SLIT2: variants seen among roughly 807,000 people sequenced by gnomAD.
The protein encoded by SLIT2 is slit guidance ligand 2, also known as slit homolog 2 protein.
In SLIT2, 41 loss-of-function variants were observed where a neutral mutation model predicts 185.7. The observed-to-expected ratio is 0.22, with a 90% CI of 0.17 to 0.29. The LOEUF (loss-of-function observed/expected upper bound fraction) is 0.29. Ranked by LOEUF, SLIT2 falls within the 10% of genes least tolerant of loss-of-function variation. The pLI is 1.00. For missense variants in SLIT2, 1,571 were observed against 1,909.0 expected, an observed-to-expected ratio of 0.82 and a Z score of 3.30; for synonymous variants, 693 against 680.2, an observed-to-expected ratio of 1.02 and a Z score of -0.29.
chr4:20,347,598 C>T (rs1265258924), intron 4 of SLIT2, among the ~76,000 whole-genome samples: 1 of 152,158 alleles, frequency 6.6e-6, no homozygotes, highest in Non-Finnish European at 1.5e-5. Flanking sequence ...GTCAGGAATC[C>T]TTAAGAGTTT....
At chr4:20,584,954 C>CT (rs1212605760) in intron 29 of SLIT2, among the ~76,000 whole-genome samples, 1 of 152,024 alleles carries the variant, frequency 6.6e-6, no homozygotes, top group Non-Finnish European at 1.5e-5. Flanking sequence ...ACTCAGGAGG[C>CT]TGAGGCAGGA....
chr4:20,324,855 C>T (rs770538467), intron 4 of SLIT2, among the ~76,000 whole-genome samples: 2 of 152,066 alleles, frequency 1.3e-5, no homozygotes, highest in Non-Finnish European at 2.9e-5. Flanking sequence ...TCCAAATTCC[C>T]CAAATGTGCA....
chr4:20,525,523 AG>A (rs1284699299), intron 15 of SLIT2, among the ~76,000 whole-genome samples: 1 of 152,146 alleles, frequency 6.6e-6, no homozygotes, highest in Middle Eastern at 3.2e-3. Flanking sequence ...TTTAAAATAT[AG>A]CTAATTGAGC....
At chr4:20,317,414 T>C (rs1169181665) in intron 4 of SLIT2, among the ~76,000 whole-genome samples, 1 of 152,000 alleles carries the variant, frequency 6.6e-6, no homozygotes. Flanking sequence ...GCATAGCAAA[T>C]TCCACAGGCA....
chr4:20,617,189 T>G lies in SLIT2; in HGVS notation c.4127T>G (p.Leu1376Arg). 6.3e-7 allele frequency: 1 copy of G among 1,576,796 alleles called. No individual in the cohort carries two copies. Among genetic ancestry groups the G allele is most frequent in the African/African-American group, 1.4e-5 (1 of 74,054 alleles). ...LCDQRTNDPCLGNKCVHGTCL... is the reference protein window; with the variant it reads ...LCDQRTNDPCRGNKCVHGTCL... ...GACCAACGGACCAATGACCCTTGCC[T>G]TGGAAATAAGTAAGTTCCTGCTGCT... The change falls in exon 35 of 37, where the codon CTT becomes CGT. Residue 1376 changes from leucine (L) to arginine (R), a missense_variant. By Grantham distance (102) the Leu-to-Arg change is moderately radical (BLOSUM62 -2). This residue lies in a region of SLIT2 where 223 missense variants were observed against 245.2 expected (regional missense o/e 0.91). Transcript: ENST00000504154.
At chr4:20,422,403 T>C (rs1427076572) in intron 4 of SLIT2, among the ~76,000 whole-genome samples, 1 of 152,112 alleles carries the variant, frequency 6.6e-6, no homozygotes, top group Non-Finnish European at 1.5e-5. Flanking sequence ...TTTTAATTAG[T>C]CATACATTTT....
At chr4:20,397,837 C>T (rs1188618213) in intron 4 of SLIT2, among the ~76,000 whole-genome samples, 1 of 151,650 alleles carries the variant, frequency 6.6e-6, no homozygotes, top group Non-Finnish European at 1.5e-5. Flanking sequence ...ATGTGGTTGT[C>T]GGAATTGTAC....
chr4:20,606,233 A>T (rs1180721229), intron 33 of SLIT2, among the ~76,000 whole-genome samples: 1 of 152,176 alleles, frequency 6.6e-6, no homozygotes, highest in Non-Finnish European at 1.5e-5. Flanking sequence ...GGTGGTTTAC[A>T]TCTGTAATCT....
intron 31 of SLIT2, among the ~76,000 whole-genome samples, chr4:20,596,147 G>T (rs1727962287): frequency 1.3e-5 from 2 of 152,162 alleles, no homozygotes; most frequent in Non-Finnish European, 2.9e-5. Context: ...AGAGTAGAAT[G>T]AGGGTTACCA....
chr4:20,533,400 T>C (rs925815129), intron 17 of SLIT2, 172 bp from the exon 18 acceptor site: 2 of 606,988 alleles, frequency 3.3e-6, no homozygotes, highest in Non-Finnish European at 6.0e-6. Flanking sequence ...GTTAGTATTA[T>C]TGTCCCTTTG....
intron 5 of SLIT2, among the ~76,000 whole-genome samples, chr4:20,472,243 TATCTATATATAG>T (rs1299128853): frequency 1.3e-3 from 70 of 52,130 alleles, no homozygotes; most frequent in South Asian, 3.3e-3. Context: ...TAGATCTATA[TATCTATATATAG>T]ATCTATATAT....
At chr4:20,466,428 T>A (rs1313183495) in intron 4 of SLIT2, among the ~76,000 whole-genome samples, 1 of 152,214 alleles carries the variant, frequency 6.6e-6, no homozygotes, top group Admixed American at 6.5e-5. Context: ...TTTTGGAAAT[T>A]TATTGTTTGA....
At chr4:20,435,042 G>C (rs886275679) in intron 4 of SLIT2, among the ~76,000 whole-genome samples, 10 of 152,158 alleles carry the variant, frequency 6.6e-5, no homozygotes, top group African/African-American at 2.2e-4. Flanking sequence ...TTCTATTAGT[G>C]GACATTTAAC....
At chr4:20,392,889 G>A (rs903755249) in intron 4 of SLIT2, among the ~76,000 whole-genome samples, 4 of 151,976 alleles carry the variant, frequency 2.6e-5, no homozygotes, top group African/African-American at 9.7e-5. Context: ...TGAAGAACCT[G>A]CTTGAGGCCA....
chr4:20,327,454 A>G (rs1006016592), intron 4 of SLIT2, among the ~76,000 whole-genome samples: 2 of 152,066 alleles, frequency 1.3e-5, no homozygotes, highest in African/African-American at 4.8e-5. Context: ...TTTTAGAAAA[A>G]TTAATAAATG....
At chr4:20,507,855 C>T (rs778807184) in intron 9 of SLIT2, among the ~76,000 whole-genome samples, 1 of 151,770 alleles carries the variant, frequency 6.6e-6, no homozygotes, top group Non-Finnish European at 1.5e-5. Context: ...TGAAATAATA[C>T]TTAATTGACC....
intron 4 of SLIT2, among the ~76,000 whole-genome samples, chr4:20,359,488 A>G (rs770535731): frequency 3.3e-5 from 5 of 152,118 alleles, no homozygotes; most frequent in Non-Finnish European, 7.4e-5. Flanking sequence ...CATATGTTGA[A>G]AAGATTGCAT....
intron 9 of SLIT2, among the ~76,000 whole-genome samples, chr4:20,497,475 C>T (rs918192266): frequency 9.9e-5 from 15 of 151,816 alleles, no homozygotes; most frequent in African/African-American, 2.2e-4. Flanking sequence ...ACTAATACTC[C>T]GACAAAAAGG....
intron 4 of SLIT2, among the ~76,000 whole-genome samples, chr4:20,276,030 C>G (rs1714138272): frequency 6.6e-6 from 1 of 152,036 alleles, no homozygotes; most frequent in Non-Finnish European, 1.5e-5. Context: ...TAAGATTACT[C>G]TGTTAGCTTT....
Sources: allele counts gnomAD v4.1 joint callset (sites outside exome capture counted in the v4.1 genomes callset), GRCh38; gene constraint gnomAD v4.1.1; regional missense constraint gnomAD v4.1.1; transcripts MANE v1.5; gene names NCBI Gene and HGNC (gene_info 2026-07-23, HGNC 2026-07-21).